SLC2A5: variants seen among roughly 807,000 people sequenced by gnomAD.
The protein encoded by SLC2A5 is solute carrier family 2 member 5.
SLC2A5 carries 56 observed loss-of-function variants against 50.3 expected under a neutral mutation model. The ratio of observed to expected loss-of-function variants is 1.11; its 90% CI spans 0.90 to 1.39. The LOEUF (loss-of-function observed/expected upper bound fraction) is 1.39, where lower values mean the gene tolerates loss of function less well. Ranked by LOEUF, SLC2A5 falls within the 40% of genes most tolerant of loss-of-function variation. The pLI, the probability that SLC2A5 is intolerant of heterozygous loss-of-function variation, is 0.00. For synonymous variants in SLC2A5, 269 were observed against 281.9 expected, an observed-to-expected ratio of 0.95 and a Z score of 0.46; for missense variants, 566 against 650.1, an observed-to-expected ratio of 0.87 and a Z score of 1.41.
rs772863415 is a variant in SLC2A5 at position 9,036,211 on chromosome 1, T to A, written c.*1375A>T. On this transcript the variant is annotated 3_prime_UTR_variant, in exon 12 of 12. Coordinates refer to ENST00000377424, the MANE Select transcript of SLC2A5 (RefSeq NM_003039.3). ...TTATTTGAGACAAGGTCTCATTCTG[T>A]CATGCAGGCTGGTGTGCAGTGATGC... 3 of 152,200 alleles carry A rather than the reference T, an allele frequency of 2.0e-5. No homozygotes were observed. The highest frequency in any genetic ancestry group is 2.9e-5 in the Non-Finnish European group (2 of 68,052). 9.4% of individuals were successfully genotyped at this position (152,200 alleles called of 1,614,324 possible). A position where few individuals can be genotyped will look rare whatever the true frequency, so the allele number is the denominator to read the frequency against.
At chr1:9,050,444 G>C (rs1382291665) in intron 3 of SLC2A5, among the ~76,000 whole-genome samples, 1 of 151,946 alleles carries the variant, frequency 6.6e-6, no homozygotes, top group Non-Finnish European at 1.5e-5. Flanking sequence ...GTGACAGAGT[G>C]ACACCCTGTC....
At position 9,058,241 on chromosome 1, in the gene SLC2A5, G is replaced by A; in HGVS notation, c.43C>T (p.Leu15Phe). 1 of 1,613,748 alleles carries A rather than the reference G, an allele frequency of 6.2e-7. No homozygotes were observed. Among genetic ancestry groups the A allele is most frequent in the Non-Finnish European group, 8.5e-7 (1 of 1,179,668 alleles). Residue 15 changes from leucine (L) to phenylalanine (F), a missense_variant, in exon 2 of 12, where the codon CTT becomes TTT. Transcript: ENST00000377424. ...ATCAGGGTTGCCAGGGCAAGCACAAGCGTCAGCCTCTGCAGAGATCACAGC... is the reference window on the plus strand; with the variant it reads ...ATCAGGGTTGCCAGGGCAAGCACAAACGTCAGCCTCTGCAGAGATCACAGC... ...DQSMKEGRLT[L>F]VLALATLIAA...
intron 2 of SLC2A5, among the ~76,000 whole-genome samples, chr1:9,078,236 A>T (rs999587787): frequency 2.6e-5 from 4 of 152,078 alleles, no homozygotes; most frequent in Admixed American, 6.5e-5. Context: ...GGACAACCAG[A>T]GGTCACTTCC....
intron 2 of SLC2A5, among the ~76,000 whole-genome samples, chr1:9,076,067 T>C (rs1467298140): frequency 6.6e-6 from 1 of 152,088 alleles, no homozygotes; most frequent in Non-Finnish European, 1.5e-5. Context: ...GCGATTCTCT[T>C]GCCTCAGCCT....
rs70985579 is a variant in SLC2A5 at position 9,063,681 on chromosome 1, CTTTTTTTTTTTTTTTTT to C, written c.34-5448_34-5432del. ...AGCCAACACATCAGGCTATTATTTA[CTTTTTTTTTTTTTTTTT>C]TTTTTTTTTTTTTTGAGACGGAGTC... On this transcript the variant is annotated intron_variant, in intron 1 of 11. Transcript: ENST00000377424. Among the ~76,000 whole-genome samples the C allele has an allele frequency of 4.0e-4, 18 of 45,174 alleles. 1 individual carries two copies. The Admixed American group carries it at 5.4e-3, about 13-fold the overall frequency. The allele number at this position is 45,174 out of a possible 152,430, so 29.6% of individuals were successfully genotyped here. A position where few individuals can be genotyped will look rare whatever the true frequency, so the allele number is the denominator to read the frequency against.
At chr1:9,045,901 G>C (rs1325324952) in intron 4 of SLC2A5, among the ~76,000 whole-genome samples, 1 of 149,278 alleles carries the variant, frequency 6.7e-6, no homozygotes, top group Admixed American at 6.7e-5. Flanking sequence ...AGATGGCAGA[G>C]ACCCAGCCAG....
Position 9,037,365 on chromosome 1 carries a change from G to A in SLC2A5, c.*221C>T, listed in dbSNP as rs1641158779. 3 of 538,836 alleles carry A rather than the reference G, an allele frequency of 5.6e-6. No individual in the cohort carries two copies. Among genetic ancestry groups the A allele is most frequent in the Non-Finnish European group, 1.0e-5 (3 of 299,758 alleles). The allele number at this position is 538,836 out of a possible 1,614,324, so 33.4% of individuals were successfully genotyped here. A position where few individuals can be genotyped will look rare whatever the true frequency, so the allele number is the denominator to read the frequency against. ...GAGGACCAGCTGTTTAATTGACTCG[G>A]GTCTGGTGACAGGCCAACATGGAGA... On this transcript the variant is annotated 3_prime_UTR_variant, in exon 12 of 12. Coordinates refer to ENST00000377424, the MANE Select transcript of SLC2A5 (RefSeq NM_003039.3).
chr1:9,069,590 G>T lies in SLC2A5; in HGVS notation c.-54C>A. On this transcript the variant is annotated 5_prime_UTR_variant, in exon 1 of 12. Transcript: ENST00000377424. ...CACCTCCTTTTAGCCAAAGTAACGC[G>T]TGCACTGAATGGAGAGAGAAGACAT... is the stretch of plus-strand genomic sequence containing the variant. 1 of 1,601,144 alleles carries T rather than the reference G, an allele frequency of 6.2e-7. No homozygotes were observed. Among genetic ancestry groups the T allele is most frequent in the Non-Finnish European group, 8.6e-7 (1 of 1,169,110 alleles).
At chr1:9,072,796 C>CA (rs59542603), upstream of SLC2A5, among the ~76,000 whole-genome samples, 26,955 of 124,088 alleles carry the variant, frequency 0.22, 2,924 homozygotes, top group Admixed American at 0.31. Context: ...CTAAAAATGC[C>CA]AAAAAAAAAA....
chr1:9,057,537 C>T lies in SLC2A5; in HGVS notation c.204G>A (p.Thr68=), dbSNP rs61755162. 2.1e-3 allele frequency: 3,403 copies of T among 1,613,748 alleles called. 50 individuals carry two copies. In the African/African-American group the frequency reaches 0.038, roughly 18 times the overall value. ...TGGACACGGTTACAGACCACAGCAA[C>T]GTCAAGGGGAAGTCTTCCATGAATT... ...TGEFMEDFPL[T]LLWSVTVSMF... is the part of the protein sequence containing the mutation. Residue 68 remains threonine (T), a synonymous_variant, in exon 3 of 12, where the codon ACG becomes ACA. Coordinates refer to ENST00000377424, the MANE Select transcript of SLC2A5 (RefSeq NM_003039.3).
chr1:9,083,072 C>A (rs1433260618), intron 2 of SLC2A5, among the ~76,000 whole-genome samples: 1 of 152,016 alleles, frequency 6.6e-6, no homozygotes, highest in African/African-American at 2.4e-5. Flanking sequence ...GTAAATTTCA[C>A]CCCAATAAAA....
chr1:9,082,163 G>C (rs1415424737), intron 2 of SLC2A5, among the ~76,000 whole-genome samples: 2 of 152,074 alleles, frequency 1.3e-5, no homozygotes, highest in Non-Finnish European at 2.9e-5. Flanking sequence ...AATGTAAAAT[G>C]GTTCAGCTAC....
chr1:9,064,175 T>G (rs1452847425), intron 1 of SLC2A5, among the ~76,000 whole-genome samples: 2 of 152,112 alleles, frequency 1.3e-5, no homozygotes, highest in Non-Finnish European at 2.9e-5. Context: ...TTGAGATATA[T>G]TCTCAATAAA....
chr1:9,050,804 A>G (rs1641553818), intron 3 of SLC2A5, among the ~76,000 whole-genome samples: 1 of 152,240 alleles, frequency 6.6e-6, no homozygotes, highest in Non-Finnish European at 1.5e-5. Context: ...TTAATACCTG[A>G]CAAAATATGA....
intron 1 of SLC2A5, among the ~76,000 whole-genome samples, chr1:9,065,469 G>C (rs893313052): frequency 6.6e-6 from 1 of 152,148 alleles, no homozygotes; most frequent in African/African-American, 2.4e-5. Context: ...AAACACCCCG[G>C]AGTAGTTAGC....
chr1:9,061,651 A>T (rs1240435975), intron 1 of SLC2A5, among the ~76,000 whole-genome samples: 1 of 152,108 alleles, frequency 6.6e-6, no homozygotes, highest in African/African-American at 2.4e-5. Context: ...AGTAAGACGA[A>T]AGTGCAACCA....
At chr1:9,079,973 C>T (rs1028059934) in intron 2 of SLC2A5, among the ~76,000 whole-genome samples, 2 of 152,214 alleles carry the variant, frequency 1.3e-5, no homozygotes, top group African/African-American at 4.8e-5. Context: ...ATTTTCCCTC[C>T]CCAAAGTCCC....
At chr1:9,042,365 A>G (rs1248081548) in intron 4 of SLC2A5, among the ~76,000 whole-genome samples, 1 of 152,130 alleles carries the variant, frequency 6.6e-6, no homozygotes, top group African/African-American at 2.4e-5. Flanking sequence ...GTTTGAGACC[A>G]GCCTGGGCAA....
intron 11 of SLC2A5, 23 bp from the exon 12 acceptor site, chr1:9,037,812 C>A: frequency 1.2e-6 from 2 of 1,614,022 alleles, no homozygotes; most frequent in Non-Finnish European, 1.7e-6. Flanking sequence ...GGGCAGGTGA[C>A]ACGTGTGGGA....
Sources: allele counts gnomAD v4.1 joint callset (sites outside exome capture counted in the v4.1 genomes callset), GRCh38; gene constraint gnomAD v4.1.1; transcripts MANE v1.5; gene names NCBI Gene and HGNC (gene_info 2026-07-23, HGNC 2026-07-21).